The following RND1 variants were observed in gnomAD, a reference collection of about 807,000 sequenced individuals.
RND1 encodes Rho family GTPase 1.
In RND1, 9 loss-of-function variants were observed where a neutral mutation model predicts 27.1. The ratio of observed to expected loss-of-function variants is 0.33; its 90% CI spans 0.20 to 0.58. The LOEUF (loss-of-function observed/expected upper bound fraction) is 0.58, where lower values mean the gene tolerates loss of function less well. Ranked by LOEUF, RND1 falls within the 20% of genes least tolerant of loss-of-function variation. RND1 has a pLI of 0.86. For synonymous variants in RND1, 108 were observed against 115.7 expected, an observed-to-expected ratio of 0.93 and a Z score of 0.43; for missense variants, 253 against 292.2, an observed-to-expected ratio of 0.87 and a Z score of 0.98.
In RND1 at chr12:48,862,043, CTGA is replaced by C. The variant is rs1938925012; in HGVS notation, c.281_283del (p.Ile94del). Reference sequence around the variant, plus strand: ...TGCGCTGTCCACTGTCTCTGGACGGCTGATGTCAAAACATAGTAATACTGCATC... The same window carrying C: ...TGCGCTGTCCACTGTCTCTGGACGGCTGTCAAAACATAGTAATACTGCATC... On this transcript the variant is annotated inframe_deletion, in exon 3 of 5. Coordinates refer to ENST00000309739, the MANE Select transcript of RND1 (RefSeq NM_014470.4). 1 of 1,612,372 alleles carries C rather than the reference CTGA, an allele frequency of 6.2e-7. No individual in the cohort carries two copies. The highest frequency in any genetic ancestry group is 1.7e-5 in the Admixed American group (1 of 59,992).
In RND1 at chr12:48,861,094, C is replaced by G. The variant is rs144662472; in HGVS notation, c.356G>C (p.Arg119Pro). The G allele has an allele frequency of 6.2e-7, 1 of 1,613,738 alleles. No individual in the cohort carries two copies. Among genetic ancestry groups the G allele is most frequent in the Non-Finnish European group, 8.5e-7 (1 of 1,179,788 alleles). Reference protein sequence around the residue: ...TEILDYCPSTRVLLIGCKTDL... With the variant: ...TEILDYCPSTPVLLIGCKTDL... ...TGTCTTGCAGCCAATGAGCAAAACG[C>G]GGGTGCTGGGACAATAATCTAGGAT... Residue 119 changes from arginine (R) to proline (P), a missense_variant, in exon 4 of 5, where the codon CGC becomes CCC. Transcript: ENST00000309739.
At position 48,862,018 on chromosome 12, in the gene RND1, T is replaced by A; in HGVS notation, c.309A>T (p.Ala103=). 1 of 1,589,042 alleles carries A rather than the reference T, an allele frequency of 6.3e-7. No individual in the cohort carries two copies. The highest frequency in any genetic ancestry group is 8.6e-7 in the Non-Finnish European group (1 of 1,157,160). Residue 103 remains alanine, a synonymous_variant, in exon 3 of 5, where the codon GCA becomes GCT. Coordinates refer to ENST00000309739, the MANE Select transcript of RND1 (RefSeq NM_014470.4). ...DISRPETVDS[A]LKKWRTEILD... ...GTTGATCTAGTCTTACCTTCTTGAG[T>A]GCGCTGTCCACTGTCTCTGGACGGC...
intron 2 of RND1, among the ~76,000 whole-genome samples, chr12:48,862,941 C>T (rs746293440): frequency 6.6e-6 from 1 of 151,824 alleles, no homozygotes; most frequent in Non-Finnish European, 1.5e-5. Flanking sequence ...GCACCACAAT[C>T]GCCATGGAAA....
chr12:48,865,849 G>T lies in RND1; in HGVS notation c.-82C>A. On this transcript the variant is annotated 5_prime_UTR_variant, in exon 1 of 5. It adds an upstream start codon to the 5' untranslated region. Coordinates refer to ENST00000309739, the MANE Select transcript of RND1 (RefSeq NM_014470.4). ...GCGTCTCAGCACGCCAATCAAGCCAGATTCCCTGCCTCCCTCCAACTGAGG... is the reference window on the plus strand; with the variant it reads ...GCGTCTCAGCACGCCAATCAAGCCATATTCCCTGCCTCCCTCCAACTGAGG... 6.6e-7 allele frequency: 1 copy of T among 1,509,712 alleles called. No homozygotes were observed. Among genetic ancestry groups the T allele is most frequent in the Non-Finnish European group, 8.9e-7 (1 of 1,127,718 alleles). 93.5% of individuals were successfully genotyped at this position (1,509,712 alleles called of 1,614,324 possible).
At chr12:48,865,535 C>T in intron 1 of RND1, 113 bp downstream of exon 1, 8 of 1,241,950 alleles carry the variant, frequency 6.4e-6, no homozygotes, top group South Asian at 2.6e-5. Flanking sequence ...CCTCAGAAAG[C>T]GGCTGAGGAT....
Position 48,857,879 on chromosome 12 carries a change from CGTGGCCATCTGAAAAACTCATGTCCA to C in RND1, c.*91_*116del. On this transcript the variant is annotated 3_prime_UTR_variant, in exon 5 of 5. Coordinates refer to ENST00000309739, the MANE Select transcript of RND1 (RefSeq NM_014470.4). The stretch of plus-strand genomic sequence containing the variant: ...TTCCTGTCTCCTTCCAAGCCCTCAC[CGTGGCCATCTGAAAAACTCATGTCCA>C]GTGTCCTAAATTGTCTCATCCTCCC... 2 of 1,273,526 alleles carry C rather than the reference CGTGGCCATCTGAAAAACTCATGTCCA, an allele frequency of 1.6e-6. No homozygotes were observed. Among genetic ancestry groups the C allele is most frequent in the Non-Finnish European group, 2.1e-6 (2 of 930,546 alleles). The allele number at this position is 1,273,526 out of a possible 1,614,324, so 78.9% of individuals were successfully genotyped here.
rs776739044 is a variant in RND1, at chr12:48,864,428, C to CGCGCGT, written c.208+354_208+355insACGCGC. 8.2e-3 allele frequency among the ~76,000 whole-genome samples: 1,212 copies of CGCGCGT among 147,526 alleles called. 48 individuals carry two copies. The East Asian group carries it at 0.11, about 13-fold the overall frequency. On this transcript the variant is annotated intron_variant, in intron 2 of 4. Coordinates refer to ENST00000309739, the MANE Select transcript of RND1 (RefSeq NM_014470.4). Reference sequence around the variant, plus strand: ...GTGTGTGTGTGTGTGCGCGCGCGCGCGTGTGTGTGCATGTGTGTACGCGTG... The same window carrying CGCGCGT: ...GTGTGTGTGTGTGTGCGCGCGCGCGCGCGCGTGTGTGTGTGCATGTGTGTACGCGTG...
rs1486582301 is a variant in RND1, at chr12:48,857,705, G to GC, written c.*290dup. On this transcript the variant is annotated 3_prime_UTR_variant, in exon 5 of 5. Coordinates refer to ENST00000309739, the MANE Select transcript of RND1 (RefSeq NM_014470.4). Reference sequence around the variant, plus strand: ...GCCCCCAAGCCCATGAGGCCAGCATGCCCCCCGTCCCCCACAGCTTTCCTT... The same window carrying GC: ...GCCCCCAAGCCCATGAGGCCAGCATGCCCCCCCGTCCCCCACAGCTTTCCTT... 7.2e-6 allele frequency: 2 copies of GC among 278,442 alleles called. No individual in the cohort carries two copies. The highest frequency in any genetic ancestry group is 2.2e-5 in the African/African-American group (1 of 44,954). 17.2% of individuals were successfully genotyped at this position (278,442 alleles called of 1,614,324 possible).
At chr12:48,861,897 C>T in intron 3 of RND1, 112 bp downstream of exon 3, 1 of 726,324 alleles carries the variant, frequency 1.4e-6, no homozygotes, top group Non-Finnish European at 2.5e-6. Flanking sequence ...AAATCTCTTC[C>T]TTCCCTGGCT....
In RND1 at chr12:48,858,251, G is replaced by A. The variant is rs755231787; in HGVS notation, c.454-10C>T. On this transcript the variant is annotated splice_polypyrimidine_tract_variant and intron_variant, in intron 4 of 4. Transcript: ENST00000309739. ...TTGCTATTGCACAACCCTGCAGGAG[G>A]GGGTGAGGGCATTAATGCAGTGGGC... 2 of 1,613,150 alleles carry A rather than the reference G, an allele frequency of 1.2e-6. No individual in the cohort carries two copies. The highest frequency in any genetic ancestry group is 1.7e-6 in the Non-Finnish European group (2 of 1,179,534).
intron 1 of RND1, 147 bp downstream of exon 1, chr12:48,865,501 A>T (rs1380083889): frequency 1.1e-6 from 1 of 948,642 alleles, no homozygotes; most frequent in South Asian, 1.5e-5. Context: ...TCCTCCAGCC[A>T]AAAAGCAGCT....
chr12:48,862,240 G>A (rs1252713909), intron 2 of RND1, 122 bp from the exon 3 acceptor site: 2 of 616,826 alleles, frequency 3.2e-6, no homozygotes, highest in Non-Finnish European at 2.9e-6. Context: ...CTCCCAGGGG[G>A]AATGTACTGC....
chr12:48,858,253 G>C lies in RND1; in HGVS notation c.454-12C>G, dbSNP rs1938870276. The C allele has an allele frequency of 6.2e-7, 1 of 1,612,812 alleles. No homozygotes were observed. The highest frequency in any genetic ancestry group is 8.5e-7 in the Non-Finnish European group (1 of 1,179,374). On this transcript the variant is annotated splice_polypyrimidine_tract_variant and intron_variant, in intron 4 of 4. Coordinates refer to ENST00000309739, the MANE Select transcript of RND1 (RefSeq NM_014470.4). The stretch of plus-strand genomic sequence containing the variant: ...GCTATTGCACAACCCTGCAGGAGGG[G>C]GTGAGGGCATTAATGCAGTGGGCCA...
chr12:48,864,416 T>TGCGCGCGC (rs57360089), intron 2 of RND1, among the ~76,000 whole-genome samples: 18 of 135,560 alleles, frequency 1.3e-4, no homozygotes, highest in African/African-American at 2.4e-4. Context: ...TGTGTGTGTG[T>TGCGCGCGC]GCGCGCGCGC....
intron 3 of RND1, 99 bp downstream of exon 3, chr12:48,861,910 C>A: frequency 1.3e-6 from 1 of 754,320 alleles, no homozygotes; most frequent in Admixed American, 2.1e-5. Flanking sequence ...CCCTGGCTTC[C>A]ATTTCTTGAT....
chr12:48,860,945 C>A, intron 4 of RND1, 52 bp downstream of exon 4: 1 of 1,610,510 alleles, frequency 6.2e-7, no homozygotes, highest in South Asian at 1.1e-5. Context: ...AAGCTGTCTG[C>A]CTCTAGCCTT....
intron 2 of RND1, 80 bp downstream of exon 2, chr12:48,864,703 G>T: frequency 9.2e-7 from 1 of 1,091,330 alleles, no homozygotes. Context: ...CCACCAAAGG[G>T]GAAAACAATT....
chr12:48,858,149 C>T lies in RND1; in HGVS notation c.546G>A (p.Thr182=), dbSNP rs145827381. ...GCTTGTTCAGACACAGCATGGATGC[C>T]GTCCGAAAGATGCTGTGGATGCTCT... The part of the protein sequence containing the change: ...SEKSIHSIFR[T]ASMLCLNKPS... Residue 182 remains threonine (T), a synonymous_variant, in exon 5 of 5, where the codon ACG becomes ACA. Coordinates refer to ENST00000309739, the MANE Select transcript of RND1 (RefSeq NM_014470.4). 337 of 1,614,102 alleles carry T rather than the reference C, an allele frequency of 2.1e-4. No homozygotes were observed. In the East Asian group the frequency reaches 6.6e-3, roughly 32 times the overall value.
intron 4 of RND1, among the ~76,000 whole-genome samples, chr12:48,860,703 T>C (rs939370088): frequency 4.9e-5 from 7 of 142,318 alleles, no homozygotes; most frequent in Non-Finnish European, 9.8e-5. Context: ...GCACCTGGCC[T>C]CTTTTTTTTG....
Sources: gnomAD v4.1 joint callset for allele counts (sites outside exome capture counted in the v4.1 genomes callset) on GRCh38, gnomAD v4.1.1 for gene constraint, MANE v1.5 for transcripts, NCBI Gene and HGNC (gene_info 2026-07-23, HGNC 2026-07-21) for gene names.